CMSS1: variants seen among roughly 807,000 people sequenced by gnomAD.
CMSS1 encodes the protein protein CMSS1.
Under a neutral mutation model 43.5 loss-of-function variants are expected in CMSS1, and 33 were observed. That is an observed-to-expected ratio of 0.76 (90% confidence interval 0.57 to 1.01). CMSS1 has a LOEUF of 1.01. Among genes scored for constraint, CMSS1 ranks in the 50% least tolerant of loss-of-function variants. The probability of loss-of-function intolerance (pLI) is 0.00; values close to 1 mark genes in which losing one functional copy is unlikely to be tolerated. For synonymous variants in CMSS1, 115 were observed against 117.2 expected (o/e 0.98, Z 0.12); for missense variants, 313 against 326.4 (o/e 0.96, Z 0.32).
At chr3:99,980,920 T>C (rs370700714) in intron 1 of CMSS1, among the ~76,000 whole-genome samples, 290 of 152,290 alleles carry the variant, frequency 1.9e-3, no homozygotes, top group Non-Finnish European at 2.8e-3. Flanking sequence ...AACCCTTCAA[T>C]ACTGGCTATG....
intron 1 of CMSS1, among the ~76,000 whole-genome samples, chr3:99,944,605 TA>T (rs1217049904): frequency 1.3e-5 from 2 of 152,224 alleles, no homozygotes; most frequent in African/African-American, 4.8e-5. Flanking sequence ...AACCGAAACC[TA>T]AAGAGGTTAA....
chr3:99,851,936 G>A (rs1270840809), intron 1 of CMSS1, among the ~76,000 whole-genome samples: 5 of 152,210 alleles, frequency 3.3e-5, no homozygotes, highest in African/African-American at 1.2e-4. Context: ...ATGCGGTTTG[G>A]TAGGAAAGTG....
At chr3:100,172,450 C>T (rs1477270388) in intron 8 of CMSS1, 47 bp downstream of exon 8, 2 of 1,418,948 alleles carry the variant, frequency 1.4e-6, no homozygotes, top group Non-Finnish European at 2.0e-6. Flanking sequence ...TGGGAGTTTG[C>T]CTTACCTACA....
At chr3:99,822,134 C>T (rs1362748500) in intron 1 of CMSS1, among the ~76,000 whole-genome samples, 1 of 152,166 alleles carries the variant, frequency 6.6e-6, no homozygotes, top group Non-Finnish European at 1.5e-5. Flanking sequence ...ATTTCAATGA[C>T]ATACCTATTA....
At chr3:99,938,141 T>G (rs1405820086) in intron 1 of CMSS1, among the ~76,000 whole-genome samples, 1 of 152,146 alleles carries the variant, frequency 6.6e-6, no homozygotes, top group East Asian at 1.9e-4. Flanking sequence ...TCCACGTAAC[T>G]TACTGGAAAT....
At chr3:100,121,247 C>T (rs1179743938) in intron 1 of CMSS1, among the ~76,000 whole-genome samples, 1 of 150,300 alleles carries the variant, frequency 6.7e-6, no homozygotes, top group African/African-American at 2.5e-5. Context: ...CCCCTAGCCC[C>T]CCACCCCCCT....
At chr3:99,849,285 A>G (rs1454095345) in intron 1 of CMSS1, 1 of 1,614,060 alleles carries the variant, frequency 6.2e-7, no homozygotes. Context: ...GAACTTCTTT[A>G]GAAAATACTT....
intron 1 of CMSS1, among the ~76,000 whole-genome samples, chr3:100,124,081 T>A (rs2066643125): frequency 6.6e-6 from 1 of 152,200 alleles, no homozygotes; most frequent in South Asian, 2.1e-4. Flanking sequence ...ACAGATACAG[T>A]TCAGAGCTGA....
At chr3:100,029,085 G>T (rs1429917527) in intron 1 of CMSS1, among the ~76,000 whole-genome samples, 1 of 151,998 alleles carries the variant, frequency 6.6e-6, no homozygotes, top group Non-Finnish European at 1.5e-5. Context: ...AAGCTACCCT[G>T]GGAGCTGAGG....
intron 1 of CMSS1, among the ~76,000 whole-genome samples, chr3:100,102,437 G>T (rs1431501967): frequency 6.6e-6 from 1 of 152,120 alleles, no homozygotes; most frequent in Non-Finnish European, 1.5e-5. Flanking sequence ...CCTAAGATGT[G>T]CACAGAAGAA....
At chr3:99,851,190 C>T (rs903036355) in intron 1 of CMSS1, 4 of 782,556 alleles carry the variant, frequency 5.1e-6, no homozygotes, top group Non-Finnish European at 1.9e-6. Context: ...AGTTCATATA[C>T]AATATGCAAA....
chr3:100,074,705 T>G (rs1409233680), intron 1 of CMSS1, among the ~76,000 whole-genome samples: 1 of 99,160 alleles, frequency 1.0e-5, no homozygotes. Flanking sequence ...TTTTTTTTTT[T>G]TTTTTTGAGA....
At chr3:99,824,883 C>G (rs1942508743) in intron 1 of CMSS1, among the ~76,000 whole-genome samples, 1 of 152,166 alleles carries the variant, frequency 6.6e-6, no homozygotes, top group African/African-American at 2.4e-5. Context: ...CTGAAATGAG[C>G]TTTGTAAATA....
intron 1 of CMSS1, among the ~76,000 whole-genome samples, chr3:99,989,024 T>C (rs1709435826): frequency 6.6e-6 from 1 of 152,202 alleles, no homozygotes; most frequent in Non-Finnish European, 1.5e-5. Flanking sequence ...AAGGAAAAAT[T>C]AGGAATTATT....
chr3:99,877,314 T>C (rs957808310), intron 1 of CMSS1, among the ~76,000 whole-genome samples: 3 of 152,216 alleles, frequency 2.0e-5, no homozygotes, highest in Non-Finnish European at 4.4e-5. Context: ...TGTTTCCATA[T>C]GTTTTGTCAA....
At chr3:99,837,656 C>T (rs530599457) in intron 1 of CMSS1, among the ~76,000 whole-genome samples, 4 of 152,304 alleles carry the variant, frequency 2.6e-5, no homozygotes, top group Middle Eastern at 3.4e-3. Flanking sequence ...TGGAGACTGA[C>T]AGGGTTGAAC....
intron 1 of CMSS1, among the ~76,000 whole-genome samples, chr3:99,928,691 T>C (rs189092584): frequency 4.9e-4 from 75 of 152,336 alleles, no homozygotes; most frequent in African/African-American, 1.8e-3. Context: ...TTGTAGAGTT[T>C]TGTTAGGGTT....
At position 99,986,656 on chromosome 3, in the gene CMSS1, G is replaced by A. The variant is rs1173822999; in HGVS notation, c.65-160317G>A. On this transcript the variant is annotated intron_variant, in intron 1 of 9. Transcript: ENST00000421999. ...GAAATTGATGAAGATTAAATGAAGT[G>A]GTGATGGGTGTGGGCCTAAGAACTC... Among the ~76,000 whole-genome samples the A allele has an allele frequency of 2.6e-5, 4 of 152,156 alleles. No homozygotes were observed. In the East Asian group the frequency reaches 7.7e-4, roughly 29 times the overall value.
At chr3:99,854,780 A>G (rs965934633) in intron 1 of CMSS1, among the ~76,000 whole-genome samples, 1 of 152,168 alleles carries the variant, frequency 6.6e-6, no homozygotes, top group African/African-American at 2.4e-5. Context: ...GTTAGACTCC[A>G]TCGTTTTGCT....
Sources: gnomAD v4.1 joint callset for allele counts (sites outside exome capture counted in the v4.1 genomes callset) on GRCh38, gnomAD v4.1.1 for gene constraint, MANE v1.5 for transcripts, NCBI Gene and HGNC (gene_info 2026-07-23, HGNC 2026-07-21) for gene names.